COL4A5: variants seen among roughly 807,000 people sequenced by gnomAD.
The protein encoded by COL4A5 is collagen type IV alpha 5 chain, also known as collagen alpha-5(IV) chain.
A neutral mutation model predicts 130.2 loss-of-function variants in COL4A5; 26 were observed. That is an observed-to-expected ratio of 0.20 (90% CI 0.15 to 0.28). The LOEUF (loss-of-function observed/expected upper bound fraction) is 0.28, where lower values mean the gene tolerates loss of function less well. Ranked by LOEUF, COL4A5 falls within the 10% of genes least tolerant of loss-of-function variation. The pLI is 1.00. For synonymous variants in COL4A5, 496 were observed against 439.6 expected, an observed-to-expected ratio of 1.13 and a Z score of -1.60; for missense variants, 1,131 against 1,344.3, an observed-to-expected ratio of 0.84 and a Z score of 2.48.
intron 25 of COL4A5, 147 bp downstream of exon 25, chrX:108,599,017 A>G (rs2066576951): frequency 9.5e-6 from 5 of 524,142 alleles, no homozygotes. Flanking sequence ...AAGGGATCAC[A>G]ATGGTTTTTA....
At chrX:108,626,999 T>C in intron 36 of COL4A5, 1 of 740,435 alleles carries the variant, frequency 1.4e-6, no homozygotes, top group Non-Finnish European at 1.6e-6. Flanking sequence ...TCAGTTTTCA[T>C]GGAAATAGTG....
chrX:108,566,412 GAC>G (rs769619196), intron 4 of COL4A5, among the ~76,000 whole-genome samples: 2 of 110,257 alleles, frequency 1.8e-5, no homozygotes, highest in South Asian at 3.9e-4. Flanking sequence ...CTCCCTTTTT[GAC>G]ACAACAAGCT....
At chrX:108,491,744 T>C (rs1436007073) in intron 1 of COL4A5, among the ~76,000 whole-genome samples, 2 of 111,450 alleles carry the variant, frequency 1.8e-5, no homozygotes, top group Non-Finnish European at 1.9e-5. Flanking sequence ...TCTTAGTACC[T>C]GAGGGAGTAG....
intron 1 of COL4A5, among the ~76,000 whole-genome samples, chrX:108,527,523 T>C (rs886458097): frequency 4.5e-5 from 5 of 112,129 alleles, no homozygotes; most frequent in African/African-American, 1.6e-4. Context: ...GCATGTTGCC[T>C]ACCCACCAGC....
intron 1 of COL4A5, among the ~76,000 whole-genome samples, chrX:108,465,526 AT>A (rs1392276875): frequency 1.8e-5 from 2 of 111,488 alleles, no homozygotes; most frequent in Non-Finnish European, 3.8e-5. Context: ...CACACCTAGT[AT>A]TTTTCCCATT....
At chrX:108,653,152 C>T (rs747676820) in intron 36 of COL4A5, among the ~76,000 whole-genome samples, 21 of 111,174 alleles carry the variant, frequency 1.9e-4, no homozygotes, top group Admixed American at 1.3e-3. Context: ...GTGTTTTTTT[C>T]AGAAGCCCTA....
intron 2 of COL4A5, among the ~76,000 whole-genome samples, chrX:108,548,241 A>G (rs761164401): frequency 1.8e-5 from 2 of 112,343 alleles, no homozygotes; most frequent in Admixed American, 1.9e-4. Context: ...CTATTCAGCC[A>G]TCTTGGAACC....
intron 36 of COL4A5, chrX:108,627,284 A>T (rs1306931257): frequency 1.6e-6 from 1 of 634,157 alleles, no homozygotes; most frequent in Non-Finnish European, 1.9e-6. Context: ...AAGAGTGAAA[A>T]TCTTCTTCAT....
At position 108,548,959 on chromosome X, in the gene COL4A5, TTAAAA is replaced by T. The variant is rs143781207; in HGVS notation, c.141+9159_141+9163del. 9.8e-3 allele frequency among the ~76,000 whole-genome samples: 1,101 copies of T among 111,791 alleles called. 9 individuals carry two copies. The highest frequency in any genetic ancestry group is 0.018 in the Middle Eastern group (4 of 217). ...GGAATTATTCATGAAGAGGCTTGCA[TTAAAA>T]TAAATATAAAGAAATTTCTTCAGGC... On this transcript the variant is annotated intron_variant, in intron 2 of 52. Transcript: ENST00000328300.
intron 34 of COL4A5, among the ~76,000 whole-genome samples, chrX:108,625,023 T>C: frequency 9.0e-6 from 1 of 111,684 alleles, no homozygotes; most frequent in Middle Eastern, 4.6e-3. Flanking sequence ...ACTCCCTTCC[T>C]ATCTCTCCCT....
At chrX:108,527,369 T>G (rs2065337203) in intron 1 of COL4A5, among the ~76,000 whole-genome samples, 1 of 112,012 alleles carries the variant, frequency 8.9e-6, no homozygotes, top group Admixed American at 9.4e-5. Flanking sequence ...AAGTCCAAAG[T>G]AATCAATATC....
intron 1 of COL4A5, among the ~76,000 whole-genome samples, chrX:108,460,479 C>T: frequency 9.3e-6 from 1 of 107,323 alleles, no homozygotes; most frequent in East Asian, 2.9e-4. Context: ...AGGTGAGTTC[C>T]TAGGGTTTTT....
intron 1 of COL4A5, among the ~76,000 whole-genome samples, chrX:108,447,108 G>T (rs925052959): frequency 1.8e-5 from 2 of 110,504 alleles, no homozygotes; most frequent in African/African-American, 6.6e-5. Flanking sequence ...TGAAATGAGA[G>T]CCCCTTCTGA....
intron 36 of COL4A5, among the ~76,000 whole-genome samples, chrX:108,629,641 A>G (rs2067215630): frequency 1.8e-5 from 2 of 111,471 alleles, no homozygotes; most frequent in South Asian, 7.5e-4. Flanking sequence ...GATCAGGAGC[A>G]TAGTTTTTTA....
chrX:108,626,156 A>C (rs999364348), intron 35 of COL4A5, 54 bp from the exon 36 acceptor site: 16 of 1,142,083 alleles, frequency 1.4e-5, no homozygotes, highest in Non-Finnish European at 1.6e-5. Context: ...ATCTTAGATA[A>C]TCCACAAGTA....
chrX:108,549,268 TA>T (rs1316391572), intron 2 of COL4A5, among the ~76,000 whole-genome samples: 1 of 111,632 alleles, frequency 9.0e-6, no homozygotes, highest in Non-Finnish European at 1.9e-5. Flanking sequence ...TTTATTGACA[TA>T]AAAAGAGCCC....
chrX:108,534,120 C>T (rs2065422769), intron 1 of COL4A5, among the ~76,000 whole-genome samples: 2 of 105,208 alleles, frequency 1.9e-5, no homozygotes, highest in South Asian at 8.3e-4. Flanking sequence ...CACCAGAAAA[C>T]TGTATGGATA....
chrX:108,597,122 A>G, intron 23 of COL4A5, 54 bp downstream of exon 23: 3 of 1,013,530 alleles, frequency 3.0e-6, no homozygotes, highest in South Asian at 2.0e-5. Context: ...GGCATTTTAC[A>G]CATTGATTTT....
intron 36 of COL4A5, among the ~76,000 whole-genome samples, chrX:108,636,881 A>C (rs1309898017): frequency 9.1e-6 from 1 of 109,707 alleles, no homozygotes; most frequent in Admixed American, 9.8e-5. Context: ...ATTAAACAAG[A>C]CGCTCTTAAC....
Sources: allele counts gnomAD v4.1 joint callset (sites outside exome capture counted in the v4.1 genomes callset), GRCh38; gene constraint gnomAD v4.1.1; transcripts MANE v1.5; gene names NCBI Gene and HGNC (gene_info 2026-07-23, HGNC 2026-07-21).